The following ECD variants were observed in gnomAD, a reference collection of about 807,000 sequenced individuals.
ECD encodes protein ecdysoneless homolog.
In ECD, 59 loss-of-function variants were observed where a neutral mutation model predicts 77.2. The ratio of observed to expected loss-of-function variants is 0.76; its 90% CI spans 0.62 to 0.95. The LOEUF is 0.95. ECD is among the 40% of genes least tolerant of loss of function. The pLI, the probability that ECD is intolerant of heterozygous loss-of-function variation, is 0.00. For missense variants in ECD, 704 were observed against 763.4 expected, an observed-to-expected ratio of 0.92 and a Z score of 0.92; for synonymous variants, 233 against 267.4, an observed-to-expected ratio of 0.87 and a Z score of 1.26.
Position 73,136,795 on chromosome 10 carries a change from G to T in ECD, c.1613C>A (p.Thr538Lys). 1 of 1,614,004 alleles carries T rather than the reference G, an allele frequency of 6.2e-7. No homozygotes were observed. Among genetic ancestry groups the T allele is most frequent in the Non-Finnish European group, 8.5e-7 (1 of 1,179,970 alleles). The change falls in exon 13 of 14, where the codon ACA becomes AAA. Residue 538 changes from threonine to lysine, a missense_variant. By Grantham distance (78) the Thr-to-Lys change is moderately conservative. Transcript: ENST00000372979. Reference sequence around the variant, plus strand: ...CATGTATGACTTGAGATTATCAAGTGTTCCTTTCAGGGAAGCCTCTTCGCC... The same window carrying T: ...CATGTATGACTTGAGATTATCAAGTTTTCCTTTCAGGGAAGCCTCTTCGCC... ...EPGEEASLKG[T>K]LDNLKSYMAQ...
At chr10:73,157,170 C>T (rs946405820) in intron 3 of ECD, among the ~76,000 whole-genome samples, 1 of 151,658 alleles carries the variant, frequency 6.6e-6, no homozygotes, top group African/African-American at 2.4e-5. Context: ...CTGCCTCAGC[C>T]TCCTGAGTAG....
At chr10:73,156,959 A>C (rs1302632131) in intron 3 of ECD, among the ~76,000 whole-genome samples, 1 of 152,226 alleles carries the variant, frequency 6.6e-6, no homozygotes, top group African/African-American at 2.4e-5. Context: ...AAGAAAAAAA[A>C]GAAACACATA....
intron 7 of ECD, among the ~76,000 whole-genome samples, chr10:73,148,914 C>T (rs1425002696): frequency 6.6e-6 from 1 of 152,198 alleles, no homozygotes; most frequent in Non-Finnish European, 1.5e-5. Flanking sequence ...CAACTTCTTG[C>T]ACATCCTTTC....
At chr10:73,157,351 G>T (rs528590897) in intron 3 of ECD, among the ~76,000 whole-genome samples, 2 of 151,178 alleles carry the variant, frequency 1.3e-5, no homozygotes, top group Admixed American at 1.3e-4. Context: ...CGCCCGGCCC[G>T]TATCACTTTT....
Position 73,134,598 on chromosome 10 carries a change from C to G in ECD, c.1920G>C (p.Lys640Asn), listed in dbSNP as rs1011879083. The G allele has an allele frequency of 1.1e-5, 17 of 1,613,276 alleles. No homozygotes were observed. Among genetic ancestry groups the G allele is most frequent in the Non-Finnish European group, 1.4e-5 (17 of 1,179,436 alleles). ...PDNTDHRPTS[K>N]PTKN ...AATGTGCTGGTTAATTTTTTGTTGG[C>G]TTACTTGTTGGTCTGTGATCGGTGT... The change falls in exon 14 of 14, where the codon AAG becomes AAC. Residue 640 changes from lysine to asparagine, a missense_variant. By Grantham distance (94) the Lys-to-Asn change is moderately conservative (BLOSUM62 0). This residue lies in a region of ECD where 142 missense variants were observed against 163.6 expected (regional missense o/e 0.87). Transcript: ENST00000372979.
intron 9 of ECD, among the ~76,000 whole-genome samples, chr10:73,140,047 C>T (rs560010167): frequency 1.5e-4 from 23 of 151,974 alleles, no homozygotes; most frequent in African/African-American, 2.7e-4. Context: ...TGCAGTGGCG[C>T]GACCTCGGCT....
rs1270032403 is a variant in ECD at position 73,137,515 on chromosome 10, C to T, written c.1489+488G>A. Among the ~76,000 whole-genome samples the T allele has an allele frequency of 6.6e-5, 10 of 152,264 alleles. No individual in the cohort carries two copies. In the East Asian group the frequency reaches 1.7e-3, roughly 26 times the overall value. ...ATGAGGCCGGGCACGGTGGCTCACG[C>T]CTGTAATCCCAGCACTTTGGTAGGC... On this transcript the variant is annotated intron_variant, in intron 12 of 13. Coordinates refer to ENST00000372979, the MANE Select transcript of ECD (RefSeq NM_007265.3).
At position 73,136,920 on chromosome 10, in the gene ECD, T is replaced by C. The variant is rs781402564; in HGVS notation, c.1490-2A>G. Reference sequence around the variant, plus strand: ...AATCTGACTCATTAGGCCTTGGCCCTACACAGATCCCAAGAAAGAAAGAGC... The same window carrying C: ...AATCTGACTCATTAGGCCTTGGCCCCACACAGATCCCAAGAAAGAAAGAGC... On this transcript the variant is annotated splice_acceptor_variant, in intron 12 of 13. Transcript: ENST00000372979. LOFTEE classifies it high-confidence loss of function. 2 of 1,503,270 alleles carry C rather than the reference T, an allele frequency of 1.3e-6. No individual in the cohort carries two copies. Among genetic ancestry groups the C allele is most frequent in the East Asian group, 2.5e-5 (1 of 40,152 alleles). 93.1% of individuals were successfully genotyped at this position (1,503,270 alleles called of 1,614,324 possible). A position where few individuals can be genotyped will look rare whatever the true frequency, so the allele number is the denominator to read the frequency against.
chr10:73,149,048 A>G (rs767101347), intron 7 of ECD, among the ~76,000 whole-genome samples: 1 of 152,116 alleles, frequency 6.6e-6, no homozygotes, highest in Non-Finnish European at 1.5e-5. Context: ...TTTACACTTA[A>G]CCATATACCT....
At chr10:73,149,752 G>A (rs1415199405) in intron 7 of ECD, among the ~76,000 whole-genome samples, 1 of 152,106 alleles carries the variant, frequency 6.6e-6, no homozygotes, top group Non-Finnish European at 1.5e-5. Context: ...GTAAGTCAAG[G>A]AACATCTGTT....
At chr10:73,165,903 A>G (rs537638605) in intron 1 of ECD, among the ~76,000 whole-genome samples, 1 of 152,214 alleles carries the variant, frequency 6.6e-6, no homozygotes, top group East Asian at 1.9e-4. Flanking sequence ...TGTGCTACCA[A>G]ATACTAGTTT....
At position 73,149,173 on chromosome 10, in the gene ECD, C is replaced by T. The variant is rs969084774; in HGVS notation, c.913-769G>A. Reference sequence around the variant, plus strand: ...CATTTAAGTAGTTTCCAGTCTCCTGCTACTATGAACAATGCTGTCATGACT... The same window carrying T: ...CATTTAAGTAGTTTCCAGTCTCCTGTTACTATGAACAATGCTGTCATGACT... On this transcript the variant is annotated intron_variant, in intron 7 of 13. Coordinates refer to ENST00000372979, the MANE Select transcript of ECD (RefSeq NM_007265.3). 3.3e-5 allele frequency among the ~76,000 whole-genome samples: 5 copies of T among 152,284 alleles called. No individual in the cohort carries two copies. In the Middle Eastern group the frequency reaches 0.01, roughly 311 times the overall value.
chr10:73,135,676 G>A (rs1048787946), intron 13 of ECD, among the ~76,000 whole-genome samples: 15 of 151,820 alleles, frequency 9.9e-5, no homozygotes, highest in African/African-American at 2.9e-4. Context: ...AGCCAAGATC[G>A]TGCCACTGTA....
intron 7 of ECD, among the ~76,000 whole-genome samples, chr10:73,149,347 G>A (rs1409973804): frequency 6.6e-6 from 1 of 152,002 alleles, no homozygotes; most frequent in Non-Finnish European, 1.5e-5. Context: ...AACATTTTTT[G>A]ACTTTATGAT....
At chr10:73,144,203 T>C (rs1589682963) in intron 9 of ECD, among the ~76,000 whole-genome samples, 1 of 152,246 alleles carries the variant, frequency 6.6e-6, no homozygotes, top group East Asian at 1.9e-4. Flanking sequence ...GCAATTCATT[T>C]ATCCATTATT....
At chr10:73,161,595 G>A (rs920094802) in intron 2 of ECD, among the ~76,000 whole-genome samples, 4 of 152,080 alleles carry the variant, frequency 2.6e-5, no homozygotes, top group Admixed American at 6.6e-5. Flanking sequence ...TGGCTTCACC[G>A]GGGAATTCTT....
At chr10:73,150,970 A>C (rs576892111) in intron 7 of ECD, among the ~76,000 whole-genome samples, 1 of 152,282 alleles carries the variant, frequency 6.6e-6, no homozygotes, top group Admixed American at 6.5e-5. Context: ...CAGTGTGGCG[A>C]TTCCTCAGGG....
chr10:73,165,405 G>A (rs144627916), intron 1 of ECD, among the ~76,000 whole-genome samples: 2,226 of 150,824 alleles, frequency 0.015, 15 homozygotes, highest in Admixed American at 0.023. Context: ...AGGCTGGAGT[G>A]CAGTGGAGTG....
At chr10:73,150,550 T>G (rs1843188690) in intron 7 of ECD, among the ~76,000 whole-genome samples, 1 of 152,168 alleles carries the variant, frequency 6.6e-6, no homozygotes, top group African/African-American at 2.4e-5. Flanking sequence ...CAAGAGCTTC[T>G]GCACAGCAAA....
Sources: gnomAD v4.1 joint callset for allele counts (sites outside exome capture counted in the v4.1 genomes callset) on GRCh38, gnomAD v4.1.1 for gene constraint, gnomAD v4.1.1 regional missense constraint, MANE v1.5 for transcripts, NCBI Gene and HGNC (gene_info 2026-07-23, HGNC 2026-07-21) for gene names.